GALNTL6: variants seen among roughly 807,000 people sequenced by gnomAD.
GALNTL6 encodes the protein polypeptide N-acetylgalactosaminyltransferase-like 6.
A neutral mutation model predicts 73.7 loss-of-function variants in GALNTL6; 46 were observed. The ratio of observed to expected loss-of-function variants is 0.62; its 90% CI spans 0.49 to 0.80. GALNTL6 has a LOEUF of 0.80. Ranked by LOEUF, GALNTL6 falls within the 30% of genes least tolerant of loss-of-function variation. The pLI is 0.00. For synonymous variants in GALNTL6, 259 were observed against 263.7 expected (o/e 0.98, Z 0.17); for missense variants, 604 against 755.0 (o/e 0.80, Z 2.34).
intron 5 of GALNTL6, among the ~76,000 whole-genome samples, chr4:172,627,129 A>C (rs1579257760): frequency 6.6e-6 from 1 of 152,022 alleles, no homozygotes; most frequent in South Asian, 2.1e-4. Flanking sequence ...GTTGGCTGTG[A>C]GTTTGTCATA....
intron 2 of GALNTL6, among the ~76,000 whole-genome samples, chr4:171,944,912 T>TTTTA (rs1199096597): frequency 6.6e-6 from 1 of 151,954 alleles, no homozygotes; most frequent in Non-Finnish European, 1.5e-5. Context: ...TTTTATAATA[T>TTTTA]TTTATTTATT....
chr4:171,955,092 T>C (rs1054907539), intron 2 of GALNTL6, among the ~76,000 whole-genome samples: 3 of 152,270 alleles, frequency 2.0e-5, no homozygotes, highest in Non-Finnish European at 2.9e-5. Context: ...CTTAATGATG[T>C]AAACAACTGA....
rs527246690 is a variant in GALNTL6 at position 172,223,308 on chromosome 4, A to G, written c.139-6348A>G. Among the ~76,000 whole-genome samples the G allele has an allele frequency of 1.4e-3, 209 of 152,212 alleles. 4 individuals are homozygous for G. In the South Asian group the frequency reaches 0.043, roughly 31 times the overall value. ...CCACCAAAAAAATTTATGTTCTGATACTAATTTATCTGTGTTTGTACATAT... is the reference window on the plus strand; with the variant it reads ...CCACCAAAAAAATTTATGTTCTGATGCTAATTTATCTGTGTTTGTACATAT... On this transcript the variant is annotated intron_variant, in intron 2 of 12. Transcript: ENST00000506823.
At chr4:172,578,857 G>A (rs944578948) in intron 5 of GALNTL6, among the ~76,000 whole-genome samples, 7 of 152,180 alleles carry the variant, frequency 4.6e-5, no homozygotes, top group Admixed American at 1.3e-4. Context: ...CTGCATAAGC[G>A]TATTTTCTTA....
At position 171,870,764 on chromosome 4, in the gene GALNTL6, G is replaced by A. The variant is rs375759215; in HGVS notation, c.138+56046G>A. On this transcript the variant is annotated intron_variant, in intron 2 of 12. Transcript: ENST00000506823. ...AGAAATTTGCAGACAGACACATACT[G>A]GAGGGGAGGTCTATGCTGAGATTGC... Among the ~76,000 whole-genome samples the A allele has an allele frequency of 6.6e-5, 10 of 152,270 alleles. No homozygotes were observed. The South Asian group carries it at 1.2e-3, about 19-fold the overall frequency.
intron 2 of GALNTL6, among the ~76,000 whole-genome samples, chr4:172,190,805 C>T (rs937485441): frequency 2.0e-5 from 3 of 152,200 alleles, no homozygotes; most frequent in Non-Finnish European, 4.4e-5. Flanking sequence ...CACACTGTGA[C>T]GAAGGAAAAT....
intron 5 of GALNTL6, among the ~76,000 whole-genome samples, chr4:172,697,214 T>A (rs1733751833): frequency 6.6e-6 from 1 of 152,222 alleles, no homozygotes; most frequent in African/African-American, 2.4e-5. Flanking sequence ...ATACTGGTTT[T>A]TATGGAGCTT....
In GALNTL6 at chr4:172,589,866, C is replaced by T. The variant is rs144063749; in HGVS notation, c.554-219495C>T. 1.1e-4 allele frequency among the ~76,000 whole-genome samples: 17 copies of T among 152,168 alleles called. No individual in the cohort carries two copies. The South Asian group carries it at 1.7e-3, about 15-fold the overall frequency. On this transcript the variant is annotated intron_variant, in intron 5 of 12. Transcript: ENST00000506823. ...CTCTGTCTCTCTCTCTGTAGTTGTA[C>T]TGTCTTTTTTGGAAAATTTACTACT...
rs752960089 is a variant in GALNTL6, at chr4:172,820,472, A to G, written c.923+6749A>G. On this transcript the variant is annotated intron_variant, in intron 7 of 12. Coordinates refer to ENST00000506823, the MANE Select transcript of GALNTL6 (RefSeq NM_001034845.3). ...CCCAATATTAGTAATTCTACATTTAATCAAAATCAGTAAAGCATGAAATTG... is the reference window on the plus strand; with the variant it reads ...CCCAATATTAGTAATTCTACATTTAGTCAAAATCAGTAAAGCATGAAATTG... Among the ~76,000 whole-genome samples the G allele has an allele frequency of 1.3e-3, 203 of 152,210 alleles. 2 individuals are homozygous for G. Among genetic ancestry groups the G allele is most frequent in the Non-Finnish European group, 3.4e-4 (23 of 68,038 alleles).
intron 10 of GALNTL6, among the ~76,000 whole-genome samples, chr4:172,958,896 GATAGGAGAGC>G (rs763364360): frequency 3.2e-4 from 49 of 152,160 alleles, no homozygotes; most frequent in Non-Finnish European, 5.4e-4. Flanking sequence ...AGGTATTTAG[GATAGGAGAGC>G]ATATGGGGTT....
At chr4:171,916,167 G>A (rs563889013) in intron 2 of GALNTL6, among the ~76,000 whole-genome samples, 2 of 151,870 alleles carry the variant, frequency 1.3e-5, no homozygotes, top group African/African-American at 4.8e-5. Flanking sequence ...TGTTGAGATA[G>A]ATATGATATT....
chr4:171,890,530 G>A (rs759787352), intron 2 of GALNTL6, among the ~76,000 whole-genome samples: 1 of 151,988 alleles, frequency 6.6e-6, no homozygotes, highest in Non-Finnish European at 1.5e-5. Flanking sequence ...TATGAACTGA[G>A]GGATGAATAA....
intron 2 of GALNTL6, among the ~76,000 whole-genome samples, chr4:172,201,412 G>A (rs1735950037): frequency 6.6e-6 from 1 of 151,716 alleles, no homozygotes; most frequent in Non-Finnish European, 1.5e-5. Flanking sequence ...TCATCATGTT[G>A]GCCAGGATGG....
intron 5 of GALNTL6, among the ~76,000 whole-genome samples, chr4:172,513,684 T>A (rs1734504469): frequency 6.6e-6 from 1 of 152,254 alleles, no homozygotes; most frequent in East Asian, 1.9e-4. Context: ...ATTTCTCTTC[T>A]GGGTCTAGCC....
intron 5 of GALNTL6, among the ~76,000 whole-genome samples, chr4:172,742,858 A>G (rs541604538): frequency 3.3e-5 from 5 of 152,206 alleles, no homozygotes; most frequent in Admixed American, 3.3e-4. Flanking sequence ...CAGAGCTATC[A>G]GCAGACCTGA....
intron 5 of GALNTL6, among the ~76,000 whole-genome samples, chr4:172,516,978 G>T (rs1734629722): frequency 6.6e-6 from 1 of 152,090 alleles, no homozygotes; most frequent in Non-Finnish European, 1.5e-5. Context: ...ATCTACAGCA[G>T]TCACATTCAT....
chr4:172,951,117 A>C (rs1749422872), intron 9 of GALNTL6, among the ~76,000 whole-genome samples: 1 of 152,148 alleles, frequency 6.6e-6, no homozygotes, highest in Non-Finnish European at 1.5e-5. Flanking sequence ...CCAATTTCCA[A>C]TCCTGCACCC....
rs144379969 is a variant in GALNTL6 at position 172,112,402 on chromosome 4, G to A, written c.139-117254G>A. The stretch of plus-strand genomic sequence containing the variant: ...GGACATAAGTTTTCAACTCCTTTGC[G>A]TAAATACCAAGGAGTTCAGTTGCTA... On this transcript the variant is annotated intron_variant, in intron 2 of 12. Coordinates refer to ENST00000506823, the MANE Select transcript of GALNTL6 (RefSeq NM_001034845.3). 1.6e-3 allele frequency among the ~76,000 whole-genome samples: 248 copies of A among 152,094 alleles called. 3 individuals are homozygous for A. Among genetic ancestry groups the A allele is most frequent in the African/African-American group, 5.7e-3 (235 of 41,534 alleles).
chr4:172,916,368 T>A (rs538995512), intron 8 of GALNTL6, among the ~76,000 whole-genome samples: 1 of 152,138 alleles, frequency 6.6e-6, no homozygotes, highest in South Asian at 2.1e-4. Context: ...ACCACTCCTA[T>A]TCAACATAGT....
Sources: gnomAD v4.1 joint callset for allele counts (sites outside exome capture counted in the v4.1 genomes callset) on GRCh38, gnomAD v4.1.1 for gene constraint, MANE v1.5 for transcripts, NCBI Gene and HGNC (gene_info 2026-07-23, HGNC 2026-07-21) for gene names.